SLC51A: variants seen among roughly 807,000 people sequenced by gnomAD.
The protein encoded by SLC51A is solute carrier family 51 member A, also known as organic solute transporter subunit alpha.
In SLC51A, 22 loss-of-function variants were observed where a neutral mutation model predicts 34.8. The observed-to-expected ratio is 0.63, with a 90% CI of 0.45 to 0.90. SLC51A has a LOEUF of 0.90. Among genes scored for constraint, SLC51A ranks in the 40% least tolerant of loss-of-function variants. SLC51A has a pLI of 0.00. For synonymous variants in SLC51A, 181 were observed against 176.3 expected (o/e 1.03, Z -0.21); for missense variants, 371 against 414.8 (o/e 0.89, Z 0.92).
intron 7 of SLC51A, 146 bp from the exon 8 acceptor site, chr3:196,232,273 G>T: frequency 1.7e-6 from 1 of 586,106 alleles, no homozygotes. Flanking sequence ...TTAATGAAGT[G>T]AGAGCCTCAA....
intron 6 of SLC51A, 174 bp from the exon 7 acceptor site, chr3:196,229,741 C>T: frequency 3.4e-6 from 2 of 580,036 alleles, no homozygotes; most frequent in South Asian, 4.0e-5. Flanking sequence ...GTAGTCCCAG[C>T]TACTCAGAAG....
chr3:196,218,469 G>A (rs1321561837), intron 2 of SLC51A, among the ~76,000 whole-genome samples: 1 of 152,228 alleles, frequency 6.6e-6, no homozygotes, highest in African/African-American at 2.4e-5. Context: ...GTGTTTGTGG[G>A]TATTTGCCTC....
Position 196,220,500 on chromosome 3 carries a change from G to A in SLC51A, c.133+2564G>A, listed in dbSNP as rs535427810. Among the ~76,000 whole-genome samples the A allele has an allele frequency of 2.4e-3, 371 of 152,278 alleles. 1 individual carries two copies. The highest frequency in any genetic ancestry group is 3.4e-3 in the Middle Eastern group (1 of 294). ...TAATCCCAGCTACTCAGGAGGCTGA[G>A]GCAGGAGAATCGCTTGAACCCGGGA... On this transcript the variant is annotated intron_variant, in intron 2 of 8. Coordinates refer to ENST00000296327, the MANE Select transcript of SLC51A (RefSeq NM_152672.6).
At chr3:196,232,799 G>A in intron 8 of SLC51A, 1 of 581,016 alleles carries the variant, frequency 1.7e-6, no homozygotes. Context: ...AATGGGAATG[G>A]TTAAAAAACA....
At chr3:196,223,705 C>T (rs1453524443) in intron 2 of SLC51A, among the ~76,000 whole-genome samples, 1 of 140,480 alleles carries the variant, frequency 7.1e-6, no homozygotes, top group East Asian at 2.0e-4. Context: ...TTTAATTAAA[C>T]ATTTCTATTA....
intron 2 of SLC51A, among the ~76,000 whole-genome samples, chr3:196,219,161 G>T (rs1485514306): frequency 6.6e-6 from 1 of 152,188 alleles, no homozygotes; most frequent in Admixed American, 6.5e-5. Flanking sequence ...GGGAGGCGGA[G>T]GTTGCAGTGA....
chr3:196,217,590 G>A (rs1473320671), intron 1 of SLC51A, among the ~76,000 whole-genome samples: 1 of 149,260 alleles, frequency 6.7e-6, no homozygotes, highest in Non-Finnish European at 1.5e-5. Flanking sequence ...GAAGGAAAGA[G>A]AAGGGGAAGG....
intron 7 of SLC51A, among the ~76,000 whole-genome samples, chr3:196,231,280 A>C (rs557387346): frequency 6.6e-6 from 1 of 152,268 alleles, no homozygotes; most frequent in Admixed American, 6.5e-5. Flanking sequence ...CCTGCCCTTC[A>C]TCTTCACAAC....
intron 2 of SLC51A, among the ~76,000 whole-genome samples, chr3:196,224,768 G>C (rs1441490706): frequency 6.1e-5 from 8 of 131,912 alleles, no homozygotes; most frequent in Non-Finnish European, 1.3e-4. Flanking sequence ...GAGAGGGGAG[G>C]GGAGGGGAGG....
chr3:196,224,691 G>A (rs1233863792), intron 2 of SLC51A, among the ~76,000 whole-genome samples: 4 of 93,922 alleles, frequency 4.3e-5, no homozygotes, highest in Non-Finnish European at 4.3e-5. Flanking sequence ...AGAGAAGGGG[G>A]CGGGGCGGGG....
intron 8 of SLC51A, 75 bp from the exon 9 acceptor site, chr3:196,232,988 C>T (rs56867360): frequency 0.31 from 460,150 of 1,465,404 alleles, 78,419 homozygotes; most frequent in East Asian, 0.77. Context: ...GCTCAACTCC[C>T]GTGCCCGGGC....
At position 196,227,758 on chromosome 3, in the gene SLC51A, C is replaced by T. The variant is rs1219359221; in HGVS notation, c.362+21C>T. ...ACCTCGTGAGTGCCCTGCCTCGCCC[C>T]ACCTCCAAGGGCCCCTCTGCTCCCG... On this transcript the variant is annotated intron_variant, in intron 4 of 8. Coordinates refer to ENST00000296327, the MANE Select transcript of SLC51A (RefSeq NM_152672.6). The T allele has an allele frequency of 1.9e-6, 3 of 1,603,486 alleles. No individual in the cohort carries two copies. The South Asian group carries it at 3.3e-5, about 18-fold the overall frequency.
chr3:196,218,243 A>C (rs898442715), intron 2 of SLC51A, among the ~76,000 whole-genome samples: 8 of 152,226 alleles, frequency 5.3e-5, no homozygotes, highest in Admixed American at 1.3e-4. Flanking sequence ...CCCCAGAGCC[A>C]TCTGGGGACC....
rs1229229054 is a variant in SLC51A at position 196,229,897 on chromosome 3, A to G, written c.634-18A>G. ...AGAGAGCTTGCCTGCCTCACTGACTACTTTCTGTTGCCACCAGATTTCTGA... is the reference window on the plus strand; with the variant it reads ...AGAGAGCTTGCCTGCCTCACTGACTGCTTTCTGTTGCCACCAGATTTCTGA... On this transcript the variant is annotated intron_variant, in intron 6 of 8. Transcript: ENST00000296327. 1 of 1,585,630 alleles carries G rather than the reference A, an allele frequency of 6.3e-7. No homozygotes were observed. The highest frequency in any genetic ancestry group is 1.1e-5 in the South Asian group (1 of 86,978).
chr3:196,224,971 C>T (rs1304062074), intron 2 of SLC51A, among the ~76,000 whole-genome samples: 1 of 151,780 alleles, frequency 6.6e-6, no homozygotes, highest in Non-Finnish European at 1.5e-5. Flanking sequence ...CATCCATAGT[C>T]CCATCACCCA....
Position 196,227,718 on chromosome 3 carries a change from G to C in SLC51A, c.343G>C (p.Val115Leu), listed in dbSNP as rs550529822. 6.2e-7 allele frequency: 1 copy of C among 1,613,600 alleles called. No homozygotes were observed. Among genetic ancestry groups the C allele is most frequent in the Non-Finnish European group, 8.5e-7 (1 of 1,179,820 alleles). Residue 115 changes from valine to leucine, a missense_variant, in exon 4 of 9, where the codon GTG (valine) becomes CTG (leucine). Transcript: ENST00000296327. ...CTGGATCCCTCGTTCCCTGGTGCTGGTGGAAATGACCATCACCTCGTGAGT... is the reference window on the plus strand; with the variant it reads ...CTGGATCCCTCGTTCCCTGGTGCTGCTGGAAATGACCATCACCTCGTGAGT... The part of the protein sequence containing the change: ...GLWIPRSLVL[V>L]EMTITSFYAV...
Position 196,228,499 on chromosome 3 carries a change from T to A in SLC51A, c.521+226T>A. Reference sequence around the variant, plus strand: ...GAACTTCACTGCACCCTGCAAGCCTTAGCCACACAGAGAAAACTGGACTTG... The same window carrying A: ...GAACTTCACTGCACCCTGCAAGCCTAAGCCACACAGAGAAAACTGGACTTG... On this transcript the variant is annotated intron_variant, in intron 5 of 8. Coordinates refer to ENST00000296327, the MANE Select transcript of SLC51A (RefSeq NM_152672.6). This position sits in a 1 kb window ranked among gnomAD's most constrained non-coding sequence, Gnocchi z 4.9. 1 of 631,068 alleles carries A rather than the reference T, an allele frequency of 1.6e-6. No homozygotes were observed. The highest frequency in any genetic ancestry group is 2.7e-6 in the Non-Finnish European group (1 of 368,294). The allele number at this position is 631,068 out of a possible 1,614,324, so 39.1% of individuals were successfully genotyped here.
rs2108756187 is a variant in SLC51A at position 196,228,067 on chromosome 3, T to C, written c.363-48T>C. On this transcript the variant is annotated intron_variant, in intron 4 of 8. Coordinates refer to ENST00000296327, the MANE Select transcript of SLC51A (RefSeq NM_152672.6). This position sits in a 1 kb window ranked among gnomAD's most constrained non-coding sequence, Gnocchi z 4.9. Reference sequence around the variant, plus strand: ...TAAGCCCCACCTCTCCCTGCTGTCTTTCTCTCTGGCAGCAGACCTCGTAGG... The same window carrying C: ...TAAGCCCCACCTCTCCCTGCTGTCTCTCTCTCTGGCAGCAGACCTCGTAGG... 6.3e-7 allele frequency: 1 copy of C among 1,583,156 alleles called. No individual in the cohort carries two copies. The highest frequency in any genetic ancestry group is 8.6e-7 in the Non-Finnish European group (1 of 1,162,088).
At position 196,217,942 on chromosome 3, in the gene SLC51A, TG is replaced by T; in HGVS notation, c.133+10del. 6.2e-7 allele frequency: 1 copy of T among 1,610,536 alleles called. No individual in the cohort carries two copies. Among genetic ancestry groups the T allele is most frequent in the South Asian group, 1.1e-5 (1 of 90,290 alleles). ...AGCAGCCCAACTCCTGAGAGGTGAG[TG>T]GGGACCCTCCTCAGAGGGAACTGAG... On this transcript the variant is annotated splice_region_variant and intron_variant, in intron 2 of 8. Coordinates refer to ENST00000296327, the MANE Select transcript of SLC51A (RefSeq NM_152672.6).
Sources: allele counts gnomAD v4.1 joint callset (sites outside exome capture counted in the v4.1 genomes callset), GRCh38; gene constraint gnomAD v4.1.1; non-coding constraint Gnocchi (gnomAD v3.1); transcripts MANE v1.5; gene names NCBI Gene and HGNC (gene_info 2026-07-23, HGNC 2026-07-21).